Variants in RPH3AL observed in about 807,000 individuals in gnomAD.
RPH3AL encodes rab effector Noc2.
RPH3AL carries 38 observed loss-of-function variants against 43.1 expected under a neutral mutation model. The ratio of observed to expected loss-of-function variants is 0.88; its 90% CI spans 0.68 to 1.15. The LOEUF is 1.15. Among genes scored for constraint, RPH3AL ranks in the 50% most tolerant of loss-of-function variants. RPH3AL has a pLI of 0.00. For missense variants in RPH3AL, 462 were observed against 423.2 expected (o/e 1.09, Z -0.81); for synonymous variants, 189 against 176.3 (o/e 1.07, Z -0.57).
intron 1 of RPH3AL, among the ~76,000 whole-genome samples, chr17:347,481 G>A (rs1471570182): frequency 2.0e-5 from 3 of 152,234 alleles, no homozygotes; most frequent in African/African-American, 7.2e-5. Context: ...CTCCTCGAGA[G>A]GCTGAGATGG....
At chr17:348,947 G>A (rs887558357) in intron 1 of RPH3AL, 2 of 152,174 alleles carry the variant, frequency 1.3e-5, no homozygotes, top group Non-Finnish European at 2.9e-5. Flanking sequence ...CATTGTGCTG[G>A]CTCTGAAGAG....
In RPH3AL at chr17:297,199, C is replaced by A. The variant is rs557131872; in HGVS notation, c.352-15345G>T. Among the ~76,000 whole-genome samples the A allele has an allele frequency of 1.6e-4, 24 of 152,350 alleles. No homozygotes were observed. In the East Asian group the frequency reaches 4.0e-3, roughly 26 times the overall value. On this transcript the variant is annotated intron_variant, in intron 5 of 9. Transcript: ENST00000331302. ...GGAGGCCCCAGAGGGGATCCAACAG[C>A]CCCTCGCCTATCCCCACATGCCCCA...
rs2041734745 is a variant in RPH3AL, at chr17:245,352, T to G, written c.613+1759A>C. On this transcript the variant is annotated intron_variant, in intron 7 of 9. Coordinates refer to ENST00000331302, the MANE Select transcript of RPH3AL (RefSeq NM_006987.4). The surrounding 1 kb of genome is among the most constrained non-coding windows in gnomAD (Gnocchi z 5.9). ...GTGTGTGTGTGGATGTGAGTGTGTA[T>G]GTGGATGTCAGTGTGTGTGTGTGGA... 6.6e-6 allele frequency among the ~76,000 whole-genome samples: 1 copy of G among 150,756 alleles called. No individual in the cohort carries two copies. The highest frequency in any genetic ancestry group is 2.1e-4 in the South Asian group (1 of 4,668).
At chr17:326,619 G>A (rs937166987) in intron 3 of RPH3AL, among the ~76,000 whole-genome samples, 17 of 152,198 alleles carry the variant, frequency 1.1e-4, no homozygotes, top group African/African-American at 3.4e-4. Flanking sequence ...GGTGGCTCAC[G>A]CCTGTAATCC....
chr17:268,117 C>G (rs2042364903), intron 6 of RPH3AL, among the ~76,000 whole-genome samples: 1 of 152,126 alleles, frequency 6.6e-6, no homozygotes, highest in African/African-American at 2.4e-5. Context: ...ATACAGTTGA[C>G]CCATGAACCA....
At chr17:332,837 G>A (rs1185366191) in intron 2 of RPH3AL, 5 of 405,936 alleles carry the variant, frequency 1.2e-5, no homozygotes, top group East Asian at 1.5e-4. Context: ...GGCGACACAC[G>A]CTGAGCAGAG....
At chr17:327,709 C>A in intron 2 of RPH3AL, 130 bp from the exon 3 acceptor site, 1 of 611,996 alleles carries the variant, frequency 1.6e-6, no homozygotes, top group South Asian at 1.9e-5. Flanking sequence ...CCTGGAATCT[C>A]ACTGTGGGAA....
rs900411606 is a variant in RPH3AL at position 246,778 on chromosome 17, C to A, written c.613+333G>T. On this transcript the variant is annotated intron_variant, in intron 7 of 9. Coordinates refer to ENST00000331302, the MANE Select transcript of RPH3AL (RefSeq NM_006987.4). The surrounding 1 kb of genome is among the most constrained non-coding windows in gnomAD (Gnocchi z 4.8). ...GCCTGGGAAAGATGTAGGTTTTATA[C>A]TTTGCAAAATACCTTAATTGACGTC... Among the ~76,000 whole-genome samples the A allele has an allele frequency of 6.6e-6, 1 of 152,224 alleles. No homozygotes were observed. The highest frequency in any genetic ancestry group is 2.4e-5 in the African/African-American group (1 of 41,464).
intron 6 of RPH3AL, among the ~76,000 whole-genome samples, chr17:248,884 C>G (rs1312693186): frequency 1.3e-5 from 2 of 152,192 alleles, no homozygotes; most frequent in Non-Finnish European, 2.9e-5. Context: ...CACAAGATGC[C>G]ACCTGCCTGC....
intron 1 of RPH3AL, among the ~76,000 whole-genome samples, chr17:337,456 G>A (rs2044989740): frequency 6.6e-6 from 1 of 152,106 alleles, no homozygotes; most frequent in African/African-American, 2.4e-5. Flanking sequence ...CAGCCTCGCT[G>A]GCCTCCTTAA....
rs150676815 is a variant in RPH3AL, at chr17:274,030, G to C, written c.438+7738C>G. ...AGAATCCTGGGGAATCTAGATTCCA[G>C]TGAACTTTTCTACTGATTACAGCAT... On this transcript the variant is annotated intron_variant, in intron 6 of 9. Coordinates refer to ENST00000331302, the MANE Select transcript of RPH3AL (RefSeq NM_006987.4). This position sits in a 1 kb window ranked among gnomAD's most constrained non-coding sequence, Gnocchi z 4.7. Among the ~76,000 whole-genome samples, 490 of 152,364 alleles carry C rather than the reference G, an allele frequency of 3.2e-3. 3 individuals are homozygous for C. The highest frequency in any genetic ancestry group is 0.011 in the African/African-American group (456 of 41,584).
At chr17:224,249 A>G (rs2041057763) in intron 7 of RPH3AL, among the ~76,000 whole-genome samples, 1 of 143,506 alleles carries the variant, frequency 7.0e-6, no homozygotes, top group Admixed American at 6.8e-5. Flanking sequence ...CACCCTCTTT[A>G]AAGGTTCCCC....
At position 242,730 on chromosome 17, in the gene RPH3AL, CCTTCCTCTATTGATTA is replaced by C. The variant is rs1555537631; in HGVS notation, c.613+4365_613+4380del. Among the ~76,000 whole-genome samples the C allele has an allele frequency of 2.4e-4, 19 of 78,388 alleles. 1 individual carries two copies. The highest frequency in any genetic ancestry group is 5.3e-4 in the African/African-American group (10 of 18,986). 51.4% of individuals were successfully genotyped at this position (78,388 alleles called of 152,430 possible). A position where few individuals can be genotyped will look rare whatever the true frequency, so the allele number is the denominator to read the frequency against. ...ATTGATTACCTTCCTCTATTGACTA[CCTTCCTCTATTGATTA>C]CCTTCCTCTATTGATTACCTTCCTC... is the stretch of plus-strand genomic sequence containing the variant. On this transcript the variant is annotated intron_variant, in intron 7 of 9. Transcript: ENST00000331302.
chr17:273,000 C>T (rs1458682561), intron 6 of RPH3AL, among the ~76,000 whole-genome samples: 5 of 114,622 alleles, frequency 4.4e-5, no homozygotes, highest in African/African-American at 1.5e-4. Context: ...CAGGGTGAGA[C>T]CCCAGCGAGG....
intron 7 of RPH3AL, among the ~76,000 whole-genome samples, chr17:220,069 C>G (rs909805686): frequency 6.6e-6 from 1 of 151,910 alleles, no homozygotes; most frequent in Non-Finnish European, 1.5e-5. Flanking sequence ...GTGTCGGAGG[C>G]TGATTATCAC....
intron 5 of RPH3AL, among the ~76,000 whole-genome samples, chr17:282,485 C>T (rs72806022): frequency 0.046 from 6,976 of 152,144 alleles, 185 homozygotes; most frequent in Middle Eastern, 0.11. Flanking sequence ...GTTCTCTGGA[C>T]GCAGAAATAA....
At chr17:248,674 G>A (rs966247628) in intron 6 of RPH3AL, among the ~76,000 whole-genome samples, 2 of 152,134 alleles carry the variant, frequency 1.3e-5, no homozygotes, top group African/African-American at 4.8e-5. Context: ...CCCCAGCTTG[G>A]ACACCCAGGC....
intron 7 of RPH3AL, among the ~76,000 whole-genome samples, chr17:242,580 C>G (rs535895180): frequency 2.2e-5 from 3 of 137,300 alleles, no homozygotes; most frequent in African/African-American, 8.4e-5. Flanking sequence ...GACTACCTTC[C>G]TCTATTGACT....
chr17:282,537 C>T (rs10871512), intron 5 of RPH3AL, among the ~76,000 whole-genome samples: 5 of 152,086 alleles, frequency 3.3e-5, no homozygotes, highest in African/African-American at 1.2e-4. Context: ...GCTGGGCCAT[C>T]GAAGACCCCA....
Sources: allele counts gnomAD v4.1 joint callset (sites outside exome capture counted in the v4.1 genomes callset), GRCh38; gene constraint gnomAD v4.1.1; non-coding constraint Gnocchi (gnomAD v3.1); transcripts MANE v1.5; gene names NCBI Gene and HGNC (gene_info 2026-07-23, HGNC 2026-07-21).